Variants in VPS13B observed in about 807,000 individuals in gnomAD.
The protein encoded by VPS13B is vacuolar protein sorting 13 homolog B.
VPS13B carries 285 observed loss-of-function variants against 426.4 expected under a neutral mutation model. The observed-to-expected ratio is 0.67, with a 90% CI of 0.61 to 0.74. The LOEUF is 0.74. Among genes scored for constraint, VPS13B ranks in the 30% least tolerant of loss-of-function variants. The probability of loss-of-function intolerance (pLI) is 0.00; values close to 1 mark genes in which losing one functional copy is unlikely to be tolerated. For synonymous variants in VPS13B, 1,676 were observed against 1,676.4 expected, an observed-to-expected ratio of 1.00 and a Z score of 0.01; for missense variants, 4,537 against 4,782.6, an observed-to-expected ratio of 0.95 and a Z score of 1.51.
chr8:99,088,306 C>G (rs1240553317), intron 3 of VPS13B, among the ~76,000 whole-genome samples: 1 of 151,428 alleles, frequency 6.6e-6, no homozygotes, highest in Non-Finnish European at 1.5e-5. Context: ...TCTTATATGA[C>G]TCATGGTCAG....
At chr8:99,440,819 T>C (rs1011945268) in intron 22 of VPS13B, among the ~76,000 whole-genome samples, 1 of 152,052 alleles carries the variant, frequency 6.6e-6, no homozygotes, top group Non-Finnish European at 1.5e-5. Context: ...ACTAAACTAA[T>C]TACCTCACAA....
At chr8:99,179,858 G>A (rs1812854929) in intron 16 of VPS13B, among the ~76,000 whole-genome samples, 1 of 151,846 alleles carries the variant, frequency 6.6e-6, no homozygotes, top group African/African-American at 2.4e-5. Flanking sequence ...TGATTTATGA[G>A]GTTTTAGATT....
chr8:99,589,618 C>T lies in VPS13B; in HGVS notation c.5220+11985C>T, dbSNP rs185910909. Among the ~76,000 whole-genome samples the T allele has an allele frequency of 2.3e-4, 35 of 151,676 alleles. 2 individuals carry two copies. Among genetic ancestry groups the T allele is most frequent in the African/African-American group, 3.7e-4 (15 of 41,052 alleles). On this transcript the variant is annotated intron_variant, in intron 33 of 61. Transcript: ENST00000357162. ...TCCAGTCTATCGTTTTTGGACATTT[C>T]GGTTGGTTCCAAGTCTTTGCTATTG... is the stretch of plus-strand genomic sequence containing the variant.
intron 17 of VPS13B, among the ~76,000 whole-genome samples, chr8:99,251,979 T>A (rs2132923579): frequency 6.6e-6 from 1 of 151,744 alleles, no homozygotes; most frequent in East Asian, 1.9e-4. Flanking sequence ...TTATTAGAGT[T>A]TTTTCAGTTT....
intron 50 of VPS13B, among the ~76,000 whole-genome samples, chr8:99,822,993 C>T (rs1814465964): frequency 6.6e-6 from 1 of 152,044 alleles, no homozygotes; most frequent in Admixed American, 6.6e-5. Context: ...CCTGTGGGTC[C>T]CCAGACCACC....
At chr8:99,022,369 G>T (rs1440801012) in intron 2 of VPS13B, among the ~76,000 whole-genome samples, 1 of 151,292 alleles carries the variant, frequency 6.6e-6, no homozygotes, top group African/African-American at 2.4e-5. Flanking sequence ...TTTAATTATT[G>T]GGTTATTATT....
intron 35 of VPS13B, among the ~76,000 whole-genome samples, chr8:99,671,735 G>A (rs1830725177): frequency 1.3e-5 from 2 of 152,026 alleles, no homozygotes; most frequent in African/African-American, 4.8e-5. Flanking sequence ...ATGGCTCACT[G>A]CATCCTCTAA....
chr8:99,765,638 CA>C (rs1315411411), intron 39 of VPS13B, among the ~76,000 whole-genome samples: 1 of 152,242 alleles, frequency 6.6e-6, no homozygotes, highest in East Asian at 1.9e-4. Context: ...GAAGTGCCCC[CA>C]GGGGGATGCT....
In VPS13B at chr8:99,720,327, T is replaced by A; in HGVS notation, c.6658-18T>A. The A allele has an allele frequency of 6.2e-7, 1 of 1,605,868 alleles. No individual in the cohort carries two copies. Among genetic ancestry groups the A allele is most frequent in the Non-Finnish European group, 8.5e-7 (1 of 1,175,014 alleles). Reference sequence around the variant, plus strand: ...GTTTGTATTTAAAAGCTACTAGAATTTTTTTATGATTTTAAAGGTCTTCTG... The same window carrying A: ...GTTTGTATTTAAAAGCTACTAGAATATTTTTATGATTTTAAAGGTCTTCTG... On this transcript the variant is annotated intron_variant, in intron 37 of 61. Coordinates refer to ENST00000357162, the MANE Select transcript of VPS13B (RefSeq NM_152564.5).
intron 25 of VPS13B, among the ~76,000 whole-genome samples, chr8:99,489,561 T>C (rs1467072397): frequency 6.6e-6 from 1 of 152,222 alleles, no homozygotes; most frequent in Non-Finnish European, 1.5e-5. Context: ...CATTTGTTTG[T>C]GTCCTCTTTT....
chr8:99,143,203 G>A, intron 13 of VPS13B, 38 bp downstream of exon 13: 1 of 1,611,768 alleles, frequency 6.2e-7, no homozygotes, highest in South Asian at 1.1e-5. Flanking sequence ...TTTGCCATTT[G>A]TTTTGAGAAT....
chr8:99,219,483 C>G (rs570102141), intron 17 of VPS13B, among the ~76,000 whole-genome samples: 58 of 152,326 alleles, frequency 3.8e-4, no homozygotes, highest in Non-Finnish European at 6.9e-4. Flanking sequence ...GCTTCTATAA[C>G]AGAATACTAC....
At chr8:99,320,048 T>G (rs1177718964) in intron 19 of VPS13B, among the ~76,000 whole-genome samples, 1 of 152,202 alleles carries the variant, frequency 6.6e-6, no homozygotes, top group Non-Finnish European at 1.5e-5. Context: ...GAGTGATTGT[T>G]TATAATAGGC....
At chr8:99,741,399 A>G (rs1275863305) in intron 39 of VPS13B, among the ~76,000 whole-genome samples, 2 of 152,220 alleles carry the variant, frequency 1.3e-5, no homozygotes, top group African/African-American at 4.8e-5. Context: ...CCCACTGTCA[A>G]CATTAGACAG....
intron 12 of VPS13B, among the ~76,000 whole-genome samples, chr8:99,140,376 A>T (rs4236855): frequency 2.4e-4 from 32 of 133,888 alleles, no homozygotes; most frequent in East Asian, 1.6e-3. Flanking sequence ...CTCAAAAAAA[A>T]AAAAAAAAAA....
At chr8:99,030,031 GTT>G (rs1842430756) in intron 2 of VPS13B, among the ~76,000 whole-genome samples, 1 of 150,166 alleles carries the variant, frequency 6.7e-6, no homozygotes, top group South Asian at 2.1e-4. Flanking sequence ...GGACCTGGAT[GTT>G]TATATTTCTT....
intron 30 of VPS13B, among the ~76,000 whole-genome samples, chr8:99,546,239 A>G (rs957680709): frequency 1.3e-5 from 2 of 151,822 alleles, no homozygotes; most frequent in South Asian, 2.1e-4. Flanking sequence ...TTGATTTGTT[A>G]TATACCACAT....
At chr8:99,499,556 TAA>T (rs1276045085) in intron 25 of VPS13B, among the ~76,000 whole-genome samples, 8 of 152,172 alleles carry the variant, frequency 5.3e-5, no homozygotes, top group Non-Finnish European at 1.0e-4. Context: ...GCCTTTTATT[TAA>T]TAAGCATCCT....
chr8:99,388,268 G>A (rs758325302), intron 20 of VPS13B, among the ~76,000 whole-genome samples: 3 of 152,154 alleles, frequency 2.0e-5, no homozygotes, highest in Non-Finnish European at 2.9e-5. Context: ...GGAAAGGGCA[G>A]TAGGTTGGCA....
Sources: allele counts gnomAD v4.1 joint callset (sites outside exome capture counted in the v4.1 genomes callset), GRCh38; gene constraint gnomAD v4.1.1; transcripts MANE v1.5; gene names NCBI Gene and HGNC (gene_info 2026-07-23, HGNC 2026-07-21).